Variants in DCLK1 observed in about 807,000 individuals in gnomAD.
DCLK1 encodes the protein doublecortin like kinase 1, also known as serine/threonine-protein kinase DCLK1.
Under a neutral mutation model 86.2 loss-of-function variants are expected in DCLK1, and 16 were observed. The observed-to-expected ratio is 0.19, with a 90% CI of 0.13 to 0.28. The LOEUF (loss-of-function observed/expected upper bound fraction) is 0.28. Ranked by LOEUF, DCLK1 falls within the 10% of genes least tolerant of loss-of-function variation. The pLI is 1.00. For synonymous variants in DCLK1, 369 were observed against 370.5 expected, an observed-to-expected ratio of 1.00 and a Z score of 0.05; for missense variants, 590 against 940.2, an observed-to-expected ratio of 0.63 and a Z score of 4.87.
At chr13:35,788,338 T>C (rs1271777519) in intron 16 of DCLK1, 2 of 1,539,310 alleles carry the variant, frequency 1.3e-6, no homozygotes, top group African/African-American at 1.4e-5. Flanking sequence ...GCTAAAGAAT[T>C]AAGACTCCAG....
At chr13:35,895,074 G>A (rs1478910753) in intron 4 of DCLK1, among the ~76,000 whole-genome samples, 1 of 152,136 alleles carries the variant, frequency 6.6e-6, no homozygotes, top group African/African-American at 2.4e-5. Context: ...CCCAGTAGCT[G>A]TGACTATAAG....
At chr13:35,978,192 TCTTTTC>T in intron 3 of DCLK1, among the ~76,000 whole-genome samples, 2 of 145,586 alleles carry the variant, frequency 1.4e-5, no homozygotes, top group Non-Finnish European at 3.0e-5. Context: ...GTTTTTTTTT[TCTTTTC>T]TTTTCTTTTT....
At chr13:35,830,869 G>A (rs776303979) in intron 8 of DCLK1, among the ~76,000 whole-genome samples, 1 of 152,198 alleles carries the variant, frequency 6.6e-6, no homozygotes, top group Non-Finnish European at 1.5e-5. Context: ...TTCTTAGCTT[G>A]GTGATTTCCC....
intron 4 of DCLK1, among the ~76,000 whole-genome samples, chr13:35,946,628 A>G (rs1877397123): frequency 6.6e-6 from 1 of 152,224 alleles, no homozygotes; most frequent in African/African-American, 2.4e-5. Context: ...TAAATATGCA[A>G]TACTCCCATA....
intron 1 of DCLK1, among the ~76,000 whole-genome samples, chr13:36,129,526 C>G (rs1191990178): frequency 1.3e-5 from 2 of 152,198 alleles, no homozygotes; most frequent in Non-Finnish European, 2.9e-5. Flanking sequence ...CACTCCACAC[C>G]CTAGTGTGCT....
At position 35,839,226 on chromosome 13, in the gene DCLK1, A is replaced by T. The variant is rs78927896; in HGVS notation, c.1036-50T>A. On this transcript the variant is annotated intron_variant, in intron 6 of 16. Transcript: ENST00000360631. ...TTCAAAAACTGGGTCAGAATGCCTGAGTTTCCAGGGACCATGCCCAGCCCG... is the reference window on the plus strand; with the variant it reads ...TTCAAAAACTGGGTCAGAATGCCTGTGTTTCCAGGGACCATGCCCAGCCCG... 1.9e-4 allele frequency: 280 copies of T among 1,499,788 alleles called. 3 individuals carry two copies. The East Asian group carries it at 6.6e-3, about 35-fold the overall frequency. 92.9% of individuals were successfully genotyped at this position (1,499,788 alleles called of 1,614,324 possible).
intron 16 of DCLK1, chr13:35,788,227 C>G (rs1259673298): frequency 6.2e-7 from 1 of 1,613,908 alleles, no homozygotes. Flanking sequence ...CCAATACATT[C>G]CTGGTTGCTG....
At chr13:35,892,629 G>A (rs1239058111) in intron 4 of DCLK1, among the ~76,000 whole-genome samples, 1 of 152,182 alleles carries the variant, frequency 6.6e-6, no homozygotes, top group Non-Finnish European at 1.5e-5. Context: ...GAGGATCTCA[G>A]AAATGGTCCA....
chr13:35,987,481 C>A (rs1057291166), intron 3 of DCLK1, among the ~76,000 whole-genome samples: 1 of 152,106 alleles, frequency 6.6e-6, no homozygotes, highest in African/African-American at 2.4e-5. Flanking sequence ...TGTCTCATTT[C>A]ATATTTAAAA....
At chr13:36,064,558 C>T (rs952582578) in intron 3 of DCLK1, among the ~76,000 whole-genome samples, 2 of 151,782 alleles carry the variant, frequency 1.3e-5, no homozygotes, top group African/African-American at 2.4e-5. Context: ...ACTTGGAAGG[C>T]TGAGGCAGGA....
intron 3 of DCLK1, among the ~76,000 whole-genome samples, chr13:35,981,669 C>G (rs1026840132): frequency 4.6e-5 from 7 of 152,204 alleles, no homozygotes; most frequent in African/African-American, 1.4e-4. Context: ...TTATATATCA[C>G]ATTTTATTTA....
intron 3 of DCLK1, among the ~76,000 whole-genome samples, chr13:36,004,868 G>A (rs569623234): frequency 3.4e-4 from 52 of 152,254 alleles, no homozygotes; most frequent in East Asian, 1.7e-3. Context: ...GTGAGCCACC[G>A]CACCTGGCCT....
rs1198437804 is a variant in DCLK1, at chr13:36,082,568, T to C, written c.723+29301A>G. Among the ~76,000 whole-genome samples the C allele has an allele frequency of 2.0e-5, 3 of 151,980 alleles. No homozygotes were observed. The East Asian group carries it at 5.8e-4, about 29-fold the overall frequency. ...TGTCATTTAAATTCTCAACAAAGAG[T>C]TGGATGGATGAGTCATTTCCCCCAG... On this transcript the variant is annotated intron_variant, in intron 3 of 16. Transcript: ENST00000360631.
At chr13:35,875,928 T>C (rs939042413) in intron 4 of DCLK1, among the ~76,000 whole-genome samples, 1 of 152,056 alleles carries the variant, frequency 6.6e-6, no homozygotes, top group South Asian at 2.1e-4. Flanking sequence ...AACCCAACTC[T>C]CTTGGGTTGG....
chr13:35,852,034 G>C (rs1870690084), intron 6 of DCLK1, among the ~76,000 whole-genome samples: 2 of 151,488 alleles, frequency 1.3e-5, no homozygotes, highest in African/African-American at 4.9e-5. Context: ...TGTTGGGGTG[G>C]GGGCAGTCAA....
chr13:35,829,611 G>A (rs1273725943), intron 8 of DCLK1, among the ~76,000 whole-genome samples: 4 of 152,144 alleles, frequency 2.6e-5, no homozygotes, highest in African/African-American at 9.7e-5. Flanking sequence ...AATTTTTCAT[G>A]TCATTTACTC....
chr13:35,919,004 C>G (rs1875618674), intron 4 of DCLK1, among the ~76,000 whole-genome samples: 1 of 147,858 alleles, frequency 6.8e-6, no homozygotes, highest in African/African-American at 2.5e-5. Context: ...CCAGTTCAAG[C>G]AATTCTCCTG....
Position 36,045,360 on chromosome 13 carries a change from A to ATC in DCLK1, c.723+66508_723+66509insGA, listed in dbSNP as rs1238966788. ...TATATATATATATATATATATATAT[A>ATC]TATATATATATATATATTTCAAGGT... On this transcript the variant is annotated intron_variant, in intron 3 of 16. Coordinates refer to ENST00000360631, the MANE Select transcript of DCLK1 (RefSeq NM_001330071.2). 8.0e-4 allele frequency among the ~76,000 whole-genome samples: 73 copies of ATC among 91,464 alleles called. 1 individual carries two copies. In the Middle Eastern group the frequency reaches 0.014, roughly 18 times the overall value. 60.0% of individuals were successfully genotyped at this position (91,464 alleles called of 152,430 possible). A position where few individuals can be genotyped will look rare whatever the true frequency, so the allele number is the denominator to read the frequency against.
intron 4 of DCLK1, among the ~76,000 whole-genome samples, chr13:35,911,145 C>T (rs925551919): frequency 5.5e-4 from 49 of 89,592 alleles, no homozygotes; most frequent in African/African-American, 1.7e-3. Flanking sequence ...AAAAAAAAAA[C>T]TAGCCAGGCA....
Sources: gnomAD v4.1 joint callset for allele counts (sites outside exome capture counted in the v4.1 genomes callset) on GRCh38, gnomAD v4.1.1 for gene constraint, MANE v1.5 for transcripts, NCBI Gene and HGNC (gene_info 2026-07-23, HGNC 2026-07-21) for gene names.